Variants in UBAC2 observed in about 807,000 individuals in gnomAD.
The protein encoded by UBAC2 is UBA domain containing 2.
In UBAC2, 26 loss-of-function variants were observed where a neutral mutation model predicts 44.0. The observed-to-expected ratio is 0.59, with a 90% confidence interval of 0.43 to 0.82. The LOEUF (loss-of-function observed/expected upper bound fraction) is 0.82, where lower values mean the gene tolerates loss of function less well. Ranked by LOEUF, UBAC2 falls within the 40% of genes least tolerant of loss-of-function variation. The pLI is 0.00. For synonymous variants in UBAC2, 155 were observed against 154.3 expected (o/e 1.00, Z -0.04); for missense variants, 329 against 419.4 (o/e 0.78, Z 1.88).
chr13:99,324,068 C>T (rs1027552665), intron 6 of UBAC2, among the ~76,000 whole-genome samples: 1 of 152,216 alleles, frequency 6.6e-6, no homozygotes, highest in Non-Finnish European at 1.5e-5. Flanking sequence ...ACTCCAACTA[C>T]ACACAATCCA....
chr13:99,299,740 G>C (rs2044229789), intron 4 of UBAC2, among the ~76,000 whole-genome samples: 1 of 152,134 alleles, frequency 6.6e-6, no homozygotes, highest in East Asian at 1.9e-4. Flanking sequence ...CTTACTAGTT[G>C]TGTACCTTTG....
At chr13:99,312,395 G>A (rs1456498017) in intron 4 of UBAC2, among the ~76,000 whole-genome samples, 1 of 152,144 alleles carries the variant, frequency 6.6e-6, no homozygotes, top group Non-Finnish European at 1.5e-5. Context: ...AGTGTTTAAT[G>A]GAAAACAGGT....
chr13:99,364,020 ACT>A (rs1418264689), intron 7 of UBAC2, among the ~76,000 whole-genome samples: 3 of 151,532 alleles, frequency 2.0e-5, no homozygotes, highest in African/African-American at 7.3e-5. Context: ...TTTTAATCAT[ACT>A]CTCTTGTTCT....
chr13:99,201,723 C>A (rs929770867), intron 1 of UBAC2, among the ~76,000 whole-genome samples: 48 of 152,222 alleles, frequency 3.2e-4, no homozygotes, highest in African/African-American at 1.1e-3. Flanking sequence ...ACTGTTCATA[C>A]TCCATGTGAA....
At chr13:99,282,437 T>C (rs2043966147) in intron 4 of UBAC2, among the ~76,000 whole-genome samples, 1 of 152,238 alleles carries the variant, frequency 6.6e-6, no homozygotes, top group Non-Finnish European at 1.5e-5. Flanking sequence ...AGGTTTAACA[T>C]CTGTTTTCAT....
chr13:99,381,711 C>T (rs926028840), intron 8 of UBAC2, among the ~76,000 whole-genome samples: 2 of 152,194 alleles, frequency 1.3e-5, no homozygotes, highest in Non-Finnish European at 2.9e-5. Flanking sequence ...TTCCACATGA[C>T]ACATATCCAG....
intron 7 of UBAC2, among the ~76,000 whole-genome samples, chr13:99,364,344 C>A (rs1486908164): frequency 6.7e-6 from 1 of 148,584 alleles, no homozygotes; most frequent in African/African-American, 2.5e-5. Context: ...TGAGATAAAT[C>A]CTAATACAGC....
intron 4 of UBAC2, among the ~76,000 whole-genome samples, chr13:99,245,143 T>C (rs557011299): frequency 6.6e-6 from 1 of 152,324 alleles, no homozygotes; most frequent in East Asian, 1.9e-4. Context: ...ACCTTCTTTT[T>C]TTAGCTTTGA....
At chr13:99,215,672 TG>T in intron 1 of UBAC2, 1 of 1,477,360 alleles carries the variant, frequency 6.8e-7, no homozygotes, top group Non-Finnish European at 9.2e-7. Flanking sequence ...TACAGCCCTC[TG>T]GGAACTGCAA....
chr13:99,243,000 G>C (rs888093684), intron 2 of UBAC2, among the ~76,000 whole-genome samples: 36 of 151,688 alleles, frequency 2.4e-4, no homozygotes, highest in Non-Finnish European at 5.0e-4. Context: ...GATGGCGGCC[G>C]GGCAGAGACG....
At chr13:99,372,830 C>T (rs2138909163) in intron 8 of UBAC2, 1 of 152,378 alleles carries the variant, frequency 6.6e-6, no homozygotes, top group East Asian at 1.9e-4. Flanking sequence ...ATAAGTGTAT[C>T]CAGGCCGGGC....
chr13:99,264,368 C>T (rs1341077657), intron 4 of UBAC2, among the ~76,000 whole-genome samples: 1 of 152,200 alleles, frequency 6.6e-6, no homozygotes, highest in Non-Finnish European at 1.5e-5. Context: ...GGAAAAGAAG[C>T]AAATGGATTT....
intron 7 of UBAC2, among the ~76,000 whole-genome samples, chr13:99,360,983 C>G (rs2045257796): frequency 6.6e-6 from 1 of 152,190 alleles, no homozygotes; most frequent in South Asian, 2.1e-4. Context: ...TCTGGCTTCT[C>G]TAATGTAGAC....
rs2044872146 is a variant in UBAC2 at position 99,340,648 on chromosome 13, G to A, written c.807+83G>A. ...TTCCTCTGTGATTGCATGTGAGATA[G>A]AGACTACATTTTATTCCAGTGCCTT... On this transcript the variant is annotated intron_variant, in intron 7 of 8. Coordinates refer to ENST00000403766, the MANE Select transcript of UBAC2 (RefSeq NM_001144072.2). The A allele has an allele frequency of 2.8e-5, 41 of 1,454,102 alleles. No individual in the cohort carries two copies. In the South Asian group the frequency reaches 4.9e-4, roughly 17 times the overall value. 90.1% of individuals were successfully genotyped at this position (1,454,102 alleles called of 1,614,324 possible). A position where few individuals can be genotyped will look rare whatever the true frequency, so the allele number is the denominator to read the frequency against.
rs2045231328 is a variant in UBAC2 at position 99,359,239 on chromosome 13, G to A, written c.808-8548G>A. 3.3e-5 allele frequency among the ~76,000 whole-genome samples: 5 copies of A among 152,280 alleles called. No homozygotes were observed. In the South Asian group the frequency reaches 1.0e-3, roughly 32 times the overall value. On this transcript the variant is annotated intron_variant, in intron 7 of 8. Coordinates refer to ENST00000403766, the MANE Select transcript of UBAC2 (RefSeq NM_001144072.2). The stretch of plus-strand genomic sequence containing the variant: ...ACAGAGCGCTCAGGAGGATCCACTG[G>A]ATCTAACAAAGGGTGCTTTGATAAC...
intron 4 of UBAC2, among the ~76,000 whole-genome samples, chr13:99,270,113 GAA>G (rs1181915818): frequency 6.6e-6 from 1 of 152,140 alleles, no homozygotes; most frequent in Non-Finnish European, 1.5e-5. Context: ...GTAAACCTAA[GAA>G]TGATTTTTAG....
At chr13:99,240,248 T>A (rs1393517506) in intron 2 of UBAC2, among the ~76,000 whole-genome samples, 1 of 152,224 alleles carries the variant, frequency 6.6e-6, no homozygotes, top group East Asian at 1.9e-4. Context: ...TACCAGTCTT[T>A]AGGGGACATT....
At chr13:99,372,733 A>G (rs1025207301) in intron 8 of UBAC2, 1 of 152,448 alleles carries the variant, frequency 6.6e-6, no homozygotes, top group Admixed American at 6.5e-5. Flanking sequence ...CTGTTTGTCA[A>G]CAACAACAGC....
chr13:99,223,449 AGTTT>A (rs1236673005), intron 1 of UBAC2, among the ~76,000 whole-genome samples: 3 of 144,430 alleles, frequency 2.1e-5, no homozygotes, highest in African/African-American at 7.8e-5. Context: ...TCTCTATTAT[AGTTT>A]GTTTTTTCCA....
Sources: allele counts gnomAD v4.1 joint callset (sites outside exome capture counted in the v4.1 genomes callset), GRCh38; gene constraint gnomAD v4.1.1; transcripts MANE v1.5; gene names NCBI Gene and HGNC (gene_info 2026-07-23, HGNC 2026-07-21).